PDZD8: variants seen among roughly 807,000 people sequenced by gnomAD.
PDZD8 encodes the protein PDZ domain-containing protein 8.
PDZD8 carries 14 observed loss-of-function variants against 85.8 expected under a neutral mutation model. The ratio of observed to expected loss-of-function variants is 0.16; its 90% confidence interval spans 0.11 to 0.26. The LOEUF (loss-of-function observed/expected upper bound fraction) is 0.26, where lower values mean the gene tolerates loss of function less well. Among genes scored for constraint, PDZD8 ranks in the 10% least tolerant of loss-of-function variants. PDZD8 has a pLI of 1.00. For missense variants in PDZD8, 1,197 were observed against 1,424.3 expected, an observed-to-expected ratio of 0.84 and a Z score of 2.57; for synonymous variants, 592 against 568.6, an observed-to-expected ratio of 1.04 and a Z score of -0.59.
chr10:117,322,647 GC>G (rs1254349007), intron 2 of PDZD8, among the ~76,000 whole-genome samples: 4 of 152,096 alleles, frequency 2.6e-5, no homozygotes, highest in Non-Finnish European at 4.4e-5. Context: ...GGTAAGAGAG[GC>G]CTCAGGTGTC....
In PDZD8 at chr10:117,280,892, A is replaced by C. The variant is rs1689425616; in HGVS notation, c.*2376T>G. The C allele has an allele frequency of 6.6e-6, 1 of 152,232 alleles. No homozygotes were observed. Among genetic ancestry groups the C allele is most frequent in the African/African-American group, 2.4e-5 (1 of 41,460 alleles). The allele number at this position is 152,232 out of a possible 1,614,324, so 9.4% of individuals were successfully genotyped here. ...ATGCTTGGGTATCATGAAAACTTCC[A>C]TGGTTTAATCAATAAACACCAGCTA... On this transcript the variant is annotated 3_prime_UTR_variant, in exon 5 of 5. Transcript: ENST00000334464.
rs753392810 is a variant in PDZD8, at chr10:117,285,105, C to T, written c.1628G>A (p.Arg543His). 18 of 1,613,838 alleles carry T rather than the reference C, an allele frequency of 1.1e-5. No homozygotes were observed. The highest frequency in any genetic ancestry group is 5.3e-5 in the African/African-American group (4 of 74,876). ...TGGGTGACTTCCTACAGCTAATTTA[C>T]GGTTTAAAACTGGTGATATAGCTCC... ...PLGAISPVLN[R>H]KLAVGSHPLP... The change falls in exon 5 of 5, where the codon CGT (arginine) becomes CAT (histidine). Residue 543 changes from arginine (R) to histidine (H), a missense_variant. By Grantham distance (29) the Arg-to-His change is conservative. This residue lies in a region of PDZD8 where 263 missense variants were observed against 261.9 expected (regional missense o/e 1.00). Transcript: ENST00000334464.
Position 117,285,146 on chromosome 10 carries a change from A to G in PDZD8, c.1587T>C (p.Leu529=). The change falls in exon 5 of 5, where the codon CTT becomes CTC. Residue 529 remains leucine, a synonymous_variant. Coordinates refer to ENST00000334464, the MANE Select transcript of PDZD8 (RefSeq NM_173791.5). ...SHSPKRVPTT[L]SIKPLGAISP... is the part of the protein sequence containing the mutation. ...ATATAGCTCCAAGGGGTTTAATAGA[A>G]AGTGTTGTTGGAACACGTTTGGGAC... The G allele has an allele frequency of 6.2e-7, 1 of 1,614,094 alleles. No individual in the cohort carries two copies. Among genetic ancestry groups the G allele is most frequent in the Non-Finnish European group, 8.5e-7 (1 of 1,179,960 alleles).
intron 3 of PDZD8, among the ~76,000 whole-genome samples, chr10:117,317,603 C>T (rs1844151811): frequency 6.6e-6 from 1 of 152,066 alleles, no homozygotes; most frequent in East Asian, 1.9e-4. Flanking sequence ...TTGAAAATGC[C>T]AATAGCAATG....
intron 1 of PDZD8, among the ~76,000 whole-genome samples, chr10:117,368,210 A>G (rs1845123565): frequency 6.6e-6 from 1 of 152,244 alleles, no homozygotes; most frequent in Non-Finnish European, 1.5e-5. Flanking sequence ...TTTTTAAATG[A>G]CATAATTATT....
At chr10:117,310,692 C>T (rs1237331412) in intron 3 of PDZD8, among the ~76,000 whole-genome samples, 1 of 152,134 alleles carries the variant, frequency 6.6e-6, no homozygotes, top group Non-Finnish European at 1.5e-5. Flanking sequence ...ACTGTATTCA[C>T]AAGTATTATC....
At chr10:117,363,271 T>G (rs1845027866) in intron 1 of PDZD8, among the ~76,000 whole-genome samples, 1 of 152,120 alleles carries the variant, frequency 6.6e-6, no homozygotes, top group Non-Finnish European at 1.5e-5. Flanking sequence ...CCCGTATGTA[T>G]GAAAGACTAT....
At chr10:117,295,970 A>C (rs1843750942) in intron 3 of PDZD8, among the ~76,000 whole-genome samples, 1 of 151,920 alleles carries the variant, frequency 6.6e-6, no homozygotes, top group East Asian at 1.9e-4. Flanking sequence ...CTGTACTGGA[A>C]GTTAATGTCA....
intron 3 of PDZD8, among the ~76,000 whole-genome samples, chr10:117,313,487 A>G (rs960260968): frequency 6.6e-5 from 10 of 152,164 alleles, no homozygotes; most frequent in African/African-American, 2.4e-4. Flanking sequence ...ATCATTTATG[A>G]AAAATGATCA....
chr10:117,353,293 G>C (rs1366541760), intron 1 of PDZD8, among the ~76,000 whole-genome samples: 1 of 152,146 alleles, frequency 6.6e-6, no homozygotes, highest in Non-Finnish European at 1.5e-5. Context: ...TGGAGTCCTA[G>C]AGGGAGTGGA....
intron 1 of PDZD8, among the ~76,000 whole-genome samples, chr10:117,342,852 T>G (rs367648666): frequency 6.6e-6 from 1 of 152,184 alleles, no homozygotes; most frequent in Non-Finnish European, 1.5e-5. Flanking sequence ...GAAAGTCACC[T>G]CATATGCCCA....
chr10:117,320,674 G>C (rs903102715), intron 2 of PDZD8, among the ~76,000 whole-genome samples: 1 of 151,958 alleles, frequency 6.6e-6, no homozygotes, highest in Non-Finnish European at 1.5e-5. Context: ...AAGAAAAATA[G>C]ATAAACTGGA....
chr10:117,318,461 CTTTT>C (rs1371708542), intron 3 of PDZD8, among the ~76,000 whole-genome samples: 1 of 152,136 alleles, frequency 6.6e-6, no homozygotes, highest in East Asian at 1.9e-4. Context: ...GAATAGGGGC[CTTTT>C]TTGTCTTGAA....
chr10:117,343,559 T>A (rs943648453), intron 1 of PDZD8, among the ~76,000 whole-genome samples: 5 of 152,176 alleles, frequency 3.3e-5, no homozygotes, highest in African/African-American at 1.2e-4. Context: ...AATAACCATA[T>A]ACACTAGAAA....
intron 3 of PDZD8, among the ~76,000 whole-genome samples, chr10:117,291,544 G>GA (rs1844764540): frequency 7.0e-6 from 1 of 143,006 alleles, no homozygotes; most frequent in East Asian, 2.1e-4. Context: ...AAAAAAAAGA[G>GA]TTATCATGTG....
intron 2 of PDZD8, among the ~76,000 whole-genome samples, chr10:117,330,193 C>T (rs1589570728): frequency 1.3e-5 from 2 of 151,816 alleles, no homozygotes. Flanking sequence ...CACCTCCTCT[C>T]TATATTCCCA....
chr10:117,355,198 A>C (rs755489899), intron 1 of PDZD8, among the ~76,000 whole-genome samples: 4 of 152,170 alleles, frequency 2.6e-5, no homozygotes, highest in African/African-American at 2.4e-5. Flanking sequence ...CTCCTGAGAA[A>C]CTGTACCTGC....
intron 2 of PDZD8, among the ~76,000 whole-genome samples, chr10:117,319,431 ACACT>A (rs753521567): frequency 0.2 from 5,548 of 27,226 alleles, 158 homozygotes; most frequent in South Asian, 0.31. Flanking sequence ...ACACACACAC[ACACT>A]CTTCATCTAC....
chr10:117,316,769 C>T lies in PDZD8; in HGVS notation c.1098+2103G>A, dbSNP rs776881277. Among the ~76,000 whole-genome samples the T allele has an allele frequency of 1.2e-3, 188 of 152,238 alleles. 1 individual carries two copies. The highest frequency in any genetic ancestry group is 3.4e-3 in the Middle Eastern group (1 of 294). ...GCTACATAAAAGCCATTCATAACTC[C>T]GTTTCTCCCTTGCCTTCTACTTCTA... On this transcript the variant is annotated intron_variant, in intron 3 of 4. Coordinates refer to ENST00000334464, the MANE Select transcript of PDZD8 (RefSeq NM_173791.5).
Sources: allele counts gnomAD v4.1 joint callset (sites outside exome capture counted in the v4.1 genomes callset), GRCh38; gene constraint gnomAD v4.1.1; regional missense constraint gnomAD v4.1.1; transcripts MANE v1.5; gene names NCBI Gene and HGNC (gene_info 2026-07-23, HGNC 2026-07-21).